Variants in P2RY12 observed in about 807,000 individuals in gnomAD.
P2RY12 encodes P2Y purinoceptor 12.
P2RY12 carries 3 observed loss-of-function variants against 4.5 expected under a neutral mutation model. The ratio of observed to expected loss-of-function variants is 0.67; its 90% CI spans 0.31 to 1.74. The LOEUF is 1.74. Among genes scored for constraint, P2RY12 ranks in the 40% most tolerant of loss-of-function variants. P2RY12 has a pLI of 0.09. For missense variants in P2RY12, 356 were observed against 407.8 expected (o/e 0.87, Z 1.09); for synonymous variants, 148 against 154.1 (o/e 0.96, Z 0.29).
chr3:151,362,924 A>G (rs1031145466), intron 1 of P2RY12, among the ~76,000 whole-genome samples: 11 of 152,078 alleles, frequency 7.2e-5, no homozygotes, highest in Middle Eastern at 3.2e-3. Context: ...AGAGCTTTCC[A>G]TTTCAGCTTA....
At chr3:151,365,280 G>C (rs1046307367) in intron 1 of P2RY12, 3 of 1,227,230 alleles carry the variant, frequency 2.4e-6, no homozygotes, top group East Asian at 2.3e-5. Context: ...AATTGATGTC[G>C]TTAGTAAGTG....
At chr3:151,342,455 A>G (rs1467176275) in intron 1 of P2RY12, among the ~76,000 whole-genome samples, 1 of 152,240 alleles carries the variant, frequency 6.6e-6, no homozygotes, top group Admixed American at 6.5e-5. Flanking sequence ...GCAGCTCTGC[A>G]TCACTTGGGA....
At chr3:151,349,245 C>T (rs547751648) in intron 1 of P2RY12, among the ~76,000 whole-genome samples, 1 of 149,088 alleles carries the variant, frequency 6.7e-6, no homozygotes, top group African/African-American at 2.6e-5. Flanking sequence ...ATTTCTTTCC[C>T]ACGTGGGGAA....
intron 1 of P2RY12, among the ~76,000 whole-genome samples, chr3:151,362,318 G>A (rs1754710459): frequency 6.6e-6 from 1 of 152,016 alleles, no homozygotes; most frequent in Non-Finnish European, 1.5e-5. Context: ...TCCCTACCTA[G>A]CCTTCAAGAT....
chr3:151,383,989 C>T, intron 1 of P2RY12: 2 of 1,485,326 alleles, frequency 1.3e-6, no homozygotes, highest in Non-Finnish European at 1.8e-6. Flanking sequence ...TACTTGGATG[C>T]TATTAAAAAT....
Position 151,338,388 on chromosome 3 carries a change from A to G in P2RY12, c.458T>C (p.Phe153Ser). ...ILSVVIWAFM[F>S]LLSLPNMILT... is the part of the protein sequence containing the mutation. ...AATCATGTTAGGCAAAGAGAGTAAG[A>G]ACATGAATGCCCAGATGACAACAGA... Residue 153 changes from phenylalanine (F) to serine (S), a missense_variant, in exon 3 of 3, where the codon TTC (phenylalanine) becomes TCC (serine). Coordinates refer to ENST00000302632, the MANE Select transcript of P2RY12 (RefSeq NM_022788.5). The G allele has an allele frequency of 1.2e-6, 2 of 1,614,166 alleles. No homozygotes were observed.
chr3:151,369,792 A>G (rs1755959602), intron 1 of P2RY12, among the ~76,000 whole-genome samples: 1 of 152,168 alleles, frequency 6.6e-6, no homozygotes, highest in Non-Finnish European at 1.5e-5. Context: ...TTAGTTGCAT[A>G]ATGTCTCATT....
At chr3:151,382,942 A>C (rs778083392) in intron 1 of P2RY12, among the ~76,000 whole-genome samples, 1 of 152,142 alleles carries the variant, frequency 6.6e-6, no homozygotes, top group Non-Finnish European at 1.5e-5. Flanking sequence ...TCAGACATCT[A>C]GACAGTGCTA....
At chr3:151,339,858 G>T (rs1161885432) in intron 2 of P2RY12, among the ~76,000 whole-genome samples, 1 of 152,046 alleles carries the variant, frequency 6.6e-6, no homozygotes, top group Non-Finnish European at 1.5e-5. Context: ...AATGACGTTT[G>T]TAATCTTTTT....
At chr3:151,379,295 A>G (rs962252237) in intron 1 of P2RY12, among the ~76,000 whole-genome samples, 1 of 152,228 alleles carries the variant, frequency 6.6e-6, no homozygotes, top group African/African-American at 2.4e-5. Flanking sequence ...CGCTCTTCCC[A>G]CATCAGGGGC....
At chr3:151,365,519 G>T (rs1328229365) in intron 1 of P2RY12, among the ~76,000 whole-genome samples, 1 of 151,922 alleles carries the variant, frequency 6.6e-6, no homozygotes, top group African/African-American at 2.4e-5. Context: ...CCGTATTTGG[G>T]TCCACCTAAA....
rs765725368 is a variant in P2RY12, at chr3:151,382,627, T to G, written c.-180+2065A>C. 4 of 1,552,090 alleles carry G rather than the reference T, an allele frequency of 2.6e-6. No homozygotes were observed. In the Admixed American group the frequency reaches 7.1e-5, roughly 27 times the overall value. On this transcript the variant is annotated intron_variant, in intron 1 of 2. Transcript: ENST00000302632. Reference sequence around the variant, plus strand: ...CTTTAAATGAGAGAAAAATTAAACTTTAATGGGGAGTTTTTTTCCGGATCT... The same window carrying G: ...CTTTAAATGAGAGAAAAATTAAACTGTAATGGGGAGTTTTTTTCCGGATCT...
chr3:151,376,765 A>G lies in P2RY12; in HGVS notation c.-180+7927T>C, dbSNP rs772764164. 3 of 1,518,624 alleles carry G rather than the reference A, an allele frequency of 2.0e-6. No homozygotes were observed. The South Asian group carries it at 3.4e-5, about 17-fold the overall frequency. The allele number at this position is 1,518,624 out of a possible 1,614,324, so 94.1% of individuals were successfully genotyped here. A position where few individuals can be genotyped will look rare whatever the true frequency, so the allele number is the denominator to read the frequency against. On this transcript the variant is annotated intron_variant, in intron 1 of 2. Coordinates refer to ENST00000302632, the MANE Select transcript of P2RY12 (RefSeq NM_022788.5). ...ATTACTGTATTTTAACACATTTGAT[A>G]CCCATAATGTTTTAATTCTTTCCAT...
At chr3:151,353,419 A>G (rs182380130) in intron 1 of P2RY12, among the ~76,000 whole-genome samples, 71 of 152,376 alleles carry the variant, frequency 4.7e-4, no homozygotes, top group Admixed American at 3.2e-3. Flanking sequence ...AAAAATAAGC[A>G]GGTTTAATGA....
At chr3:151,382,946 A>T (rs1302249681) in intron 1 of P2RY12, among the ~76,000 whole-genome samples, 1 of 152,160 alleles carries the variant, frequency 6.6e-6, no homozygotes, top group Non-Finnish European at 1.5e-5. Flanking sequence ...ACATCTAGAC[A>T]GTGCTAGGTA....
In P2RY12 at chr3:151,337,574, C is replaced by T. The variant is rs1751179264; in HGVS notation, c.*243G>A. On this transcript the variant is annotated 3_prime_UTR_variant, in exon 3 of 3. Coordinates refer to ENST00000302632, the MANE Select transcript of P2RY12 (RefSeq NM_022788.5). ...GAATTCTGTGTAGTTTTGCATGCAGCATGACAATTGGATGTCGTTTGTTTT... is the reference window on the plus strand; with the variant it reads ...GAATTCTGTGTAGTTTTGCATGCAGTATGACAATTGGATGTCGTTTGTTTT... 1 of 473,124 alleles carries T rather than the reference C, an allele frequency of 2.1e-6. No homozygotes were observed. The allele number at this position is 473,124 out of a possible 1,614,324, so 29.3% of individuals were successfully genotyped here. A position where few individuals can be genotyped will look rare whatever the true frequency, so the allele number is the denominator to read the frequency against.
intron 1 of P2RY12, among the ~76,000 whole-genome samples, chr3:151,373,760 T>G (rs1414831484): frequency 6.6e-6 from 1 of 152,174 alleles, no homozygotes; most frequent in Non-Finnish European, 1.5e-5. Flanking sequence ...ATTTGACATT[T>G]TAAAAATAGT....
In P2RY12 at chr3:151,338,354, G is replaced by T. The variant is rs746084742; in HGVS notation, c.492C>A (p.Asn164Lys). The change falls in exon 3 of 3, where the codon AAC becomes AAA. Residue 164 changes from asparagine (N) to lysine (K), a missense_variant. Transcript: ENST00000302632. ...LLSLPNMILT[N>K]RQPRDKNVKK... ...TCACATTCTTGTCTCTCGGCTGCCT[G>T]TTGGTCAGAATCATGTTAGGCAAAG... is the stretch of plus-strand genomic sequence containing the variant. 1 of 1,614,130 alleles carries T rather than the reference G, an allele frequency of 6.2e-7. No individual in the cohort carries two copies. Among genetic ancestry groups the T allele is most frequent in the Non-Finnish European group, 8.5e-7 (1 of 1,180,014 alleles).
intron 1 of P2RY12, among the ~76,000 whole-genome samples, chr3:151,354,706 A>G (rs1417682359): frequency 6.6e-6 from 1 of 152,220 alleles, no homozygotes; most frequent in Non-Finnish European, 1.5e-5. Context: ...AACACATTGG[A>G]ATACTGTAAA....
Sources: allele counts gnomAD v4.1 joint callset (sites outside exome capture counted in the v4.1 genomes callset), GRCh38; gene constraint gnomAD v4.1.1; transcripts MANE v1.5; gene names NCBI Gene and HGNC (gene_info 2026-07-23, HGNC 2026-07-21).